Variants in SERINC1 observed in about 807,000 individuals in gnomAD.
The protein encoded by SERINC1 is tumor differentially expressed protein 2.
In SERINC1, 38 loss-of-function variants were observed where a neutral mutation model predicts 52.9. The ratio of observed to expected loss-of-function variants is 0.72; its 90% CI spans 0.55 to 0.94. The LOEUF is 0.94. Ranked by LOEUF, SERINC1 falls within the 40% of genes least tolerant of loss-of-function variation. SERINC1 has a pLI of 0.00. For missense variants in SERINC1, 471 were observed against 533.9 expected (o/e 0.88, Z 1.16); for synonymous variants, 198 against 183.1 (o/e 1.08, Z -0.66).
chr6:122,466,338 C>A (rs544279344), intron 1 of SERINC1, among the ~76,000 whole-genome samples: 4 of 152,016 alleles, frequency 2.6e-5, no homozygotes, highest in African/African-American at 9.7e-5. Flanking sequence ...CTCACTCTGT[C>A]GTCCAGGCTG....
intron 9 of SERINC1, among the ~76,000 whole-genome samples, chr6:122,445,534 T>C (rs1582628225): frequency 6.6e-6 from 1 of 152,148 alleles, no homozygotes; most frequent in Non-Finnish European, 1.5e-5. Context: ...TATATGGAAC[T>C]CCTCACCTGA....
At chr6:122,469,721 A>AT (rs914797228) in intron 1 of SERINC1, among the ~76,000 whole-genome samples, 33 of 150,526 alleles carry the variant, frequency 2.2e-4, no homozygotes, top group East Asian at 1.6e-3. Context: ...ATACCCAGCT[A>AT]TTTTTTTTTG....
intron 1 of SERINC1, among the ~76,000 whole-genome samples, chr6:122,461,564 C>T (rs970735531): frequency 2.7e-5 from 4 of 150,230 alleles, no homozygotes; most frequent in African/African-American, 2.5e-5. Context: ...TGCTAGATGA[C>T]GAGTTAGTGG....
Position 122,461,902 on chromosome 6 carries a change from T to G in SERINC1, c.40-3221A>C, listed in dbSNP as rs78117011. On this transcript the variant is annotated intron_variant, in intron 1 of 9. Transcript: ENST00000339697. ...AAAAATGGGCCAGAATTACAGAGAC[T>G]AAATCCAAAGACATCATAAGAAAAT... 3.9e-5 allele frequency among the ~76,000 whole-genome samples: 6 copies of G among 152,190 alleles called. No individual in the cohort carries two copies. In the East Asian group the frequency reaches 9.7e-4, roughly 25 times the overall value.
intron 1 of SERINC1, among the ~76,000 whole-genome samples, chr6:122,465,773 AAAG>A (rs1199011851): frequency 6.6e-6 from 1 of 152,234 alleles, no homozygotes; most frequent in Non-Finnish European, 1.5e-5. Context: ...AGAAACTTGA[AAAG>A]AAATTATAGG....
intron 2 of SERINC1, among the ~76,000 whole-genome samples, chr6:122,457,255 TA>T (rs1775014256): frequency 6.6e-6 from 1 of 152,198 alleles, no homozygotes; most frequent in African/African-American, 2.4e-5. Flanking sequence ...CCCAGTTTTC[TA>T]GGATCAGAAT....
rs749985600 is a variant in SERINC1 at position 122,452,025 on chromosome 6, G to C, written c.622C>G (p.Leu208Val). 1.3e-6 allele frequency: 2 copies of C among 1,569,438 alleles called. No homozygotes were observed. Among genetic ancestry groups the C allele is most frequent in the Non-Finnish European group, 8.6e-7 (1 of 1,159,474 alleles). ...LLSATALNYL[L>V]SLVAIVLFFV... is the part of the protein sequence containing the mutation. ...AACAGGACGATAGCAACTAAAGACA[G>C]CAGATAATTCAGAGCTGTAGCTGAT... Residue 208 changes from leucine to valine, a missense_variant, in exon 6 of 10, where the codon CTG becomes GTG. Leu to Val is a conservative substitution (Grantham distance 32). Coordinates refer to ENST00000339697, the MANE Select transcript of SERINC1 (RefSeq NM_020755.4).
intron 1 of SERINC1, among the ~76,000 whole-genome samples, chr6:122,464,718 A>C (rs894321758): frequency 6.6e-6 from 1 of 152,244 alleles, no homozygotes; most frequent in Admixed American, 6.5e-5. Flanking sequence ...TGATGACAAA[A>C]TGTGGTCAAT....
At chr6:122,459,056 A>G (rs2114484900) in intron 1 of SERINC1, among the ~76,000 whole-genome samples, 1 of 152,302 alleles carries the variant, frequency 6.6e-6, no homozygotes, top group African/African-American at 2.4e-5. Flanking sequence ...CCCAGATACT[A>G]GACTGATGAA....
chr6:122,447,046 T>C (rs1306242381), intron 8 of SERINC1, 42 bp from the exon 9 acceptor site: 1 of 1,579,764 alleles, frequency 6.3e-7, no homozygotes, highest in Non-Finnish European at 8.7e-7. Context: ...AAAAAGAACA[T>C]TTTTAAAAGA....
chr6:122,446,895 C>T lies in SERINC1; in HGVS notation c.1105G>A (p.Asp369Asn). ...ARSDGSLEDG[D>N]DVHRAVDNER... is the part of the protein sequence containing the mutation. ...TTATCTACAGCTCGGTGAACATCGT[C>T]CCCATCCTCCAGTGATCCATCACTT... Residue 369 changes from aspartate to asparagine, a missense_variant, in exon 9 of 10, where the codon GAC (aspartate) becomes AAC (asparagine). Transcript: ENST00000339697. 2 of 1,613,060 alleles carry T rather than the reference C, an allele frequency of 1.2e-6. No individual in the cohort carries two copies. Among genetic ancestry groups the T allele is most frequent in the South Asian group, 1.1e-5 (1 of 91,046 alleles).
chr6:122,453,390 G>T (rs1275511801), intron 5 of SERINC1, among the ~76,000 whole-genome samples: 3 of 151,902 alleles, frequency 2.0e-5, no homozygotes, highest in Admixed American at 6.6e-5. Context: ...TGCTGTTTAT[G>T]AATTGTATCA....
chr6:122,471,613 C>T (rs1582640933), intron 1 of SERINC1, 86 bp downstream of exon 1: 2 of 1,560,730 alleles, frequency 1.3e-6, no homozygotes, highest in East Asian at 2.2e-5. Context: ...CACCACATTC[C>T]CGCCGGGCTC....
Position 122,447,017 on chromosome 6 carries a change from G to C in SERINC1, c.996-13C>G. On this transcript the variant is annotated splice_polypyrimidine_tract_variant and intron_variant, in intron 8 of 9. Coordinates refer to ENST00000339697, the MANE Select transcript of SERINC1 (RefSeq NM_020755.4). ...TGAAGTACGGATGCTGTATGAAAGA[G>C]AGTTTAGGAGGAGAGAAAAAAAAGA... is the stretch of plus-strand genomic sequence containing the variant. 3 of 1,588,208 alleles carry C rather than the reference G, an allele frequency of 1.9e-6. No individual in the cohort carries two copies. The highest frequency in any genetic ancestry group is 1.7e-4 in the Middle Eastern group (1 of 6,008).
intron 2 of SERINC1, among the ~76,000 whole-genome samples, chr6:122,457,381 T>A (rs1335024540): frequency 6.6e-6 from 1 of 152,208 alleles, no homozygotes; most frequent in Non-Finnish European, 1.5e-5. Context: ...ATTCAATTTC[T>A]ATCCTCAAGG....
chr6:122,450,325 G>A (rs112882927), intron 7 of SERINC1, among the ~76,000 whole-genome samples: 5 of 152,286 alleles, frequency 3.3e-5, no homozygotes, highest in African/African-American at 1.2e-4. Context: ...CACATCTGTT[G>A]AAAGTATGGG....
At chr6:122,453,699 A>G in intron 5 of SERINC1, 71 bp downstream of exon 5, 1 of 1,260,414 alleles carries the variant, frequency 7.9e-7, no homozygotes, top group Non-Finnish European at 1.1e-6. Context: ...TAAGTGATTT[A>G]CCTAGTCTAC....
At chr6:122,452,629 T>C (rs1261995340) in intron 5 of SERINC1, among the ~76,000 whole-genome samples, 1 of 152,202 alleles carries the variant, frequency 6.6e-6, no homozygotes, top group Non-Finnish European at 1.5e-5. Flanking sequence ...TTTATGCTAA[T>C]ATGTGCCTAA....
intron 3 of SERINC1, among the ~76,000 whole-genome samples, chr6:122,454,792 C>A (rs1299525652): frequency 1.3e-5 from 2 of 151,980 alleles, no homozygotes; most frequent in Admixed American, 6.5e-5. Flanking sequence ...AGGGAATACA[C>A]AATGGGTAGC....
Sources: allele counts gnomAD v4.1 joint callset (sites outside exome capture counted in the v4.1 genomes callset), GRCh38; gene constraint gnomAD v4.1.1; transcripts MANE v1.5; gene names NCBI Gene and HGNC (gene_info 2026-07-23, HGNC 2026-07-21).